Variants in TOM1L1 observed in about 807,000 individuals in gnomAD.
The protein encoded by TOM1L1 is TOM1-like protein 1.
TOM1L1 carries 64 observed loss-of-function variants against 63.4 expected under a neutral mutation model. The ratio of observed to expected loss-of-function variants is 1.01; its 90% CI spans 0.83 to 1.24. The LOEUF (loss-of-function observed/expected upper bound fraction) is 1.24, where lower values mean the gene tolerates loss of function less well. Ranked by LOEUF, TOM1L1 falls within the 50% of genes most tolerant of loss-of-function variation. The pLI, the probability that TOM1L1 is intolerant of heterozygous loss-of-function variation, is 0.00. For missense variants in TOM1L1, 536 were observed against 567.0 expected, an observed-to-expected ratio of 0.95 and a Z score of 0.55; for synonymous variants, 166 against 194.4, an observed-to-expected ratio of 0.85 and a Z score of 1.22.
rs552456760 is a variant in TOM1L1 at position 54,922,449 on chromosome 17, A to G, written c.720+6587A>G. 9.9e-5 allele frequency among the ~76,000 whole-genome samples: 15 copies of G among 152,158 alleles called. No homozygotes were observed. In the East Asian group the frequency reaches 1.5e-3, roughly 16 times the overall value. On this transcript the variant is annotated intron_variant, in intron 7 of 15. Coordinates refer to ENST00000575882, the MANE Select transcript of TOM1L1 (RefSeq NM_005486.3). ...TAGTGAGACTCTGTTGCTACAAAAA[A>G]TAAATTAGCCAGGCATGGTGGTACA...
chr17:54,928,761 G>T (rs181371990), intron 7 of TOM1L1, among the ~76,000 whole-genome samples: 514 of 152,222 alleles, frequency 3.4e-3, no homozygotes, highest in Non-Finnish European at 5.5e-3. Flanking sequence ...GGTTTTTCTG[G>T]CCGCATGTTG....
At chr17:54,949,713 GA>G in intron 13 of TOM1L1, 90 bp downstream of exon 13, 1 of 1,053,854 alleles carries the variant, frequency 9.5e-7, no homozygotes, top group Non-Finnish European at 1.5e-6. Context: ...GAAAATAGGA[GA>G]AATTAGAGAT....
At chr17:54,938,628 G>T (rs530509193) in intron 10 of TOM1L1, 1 of 244,976 alleles carries the variant, frequency 4.1e-6, no homozygotes, top group South Asian at 9.1e-5. Flanking sequence ...ATCAGCTTGG[G>T]ATTTTAGAAA....
chr17:54,930,253 C>A, intron 8 of TOM1L1, 47 bp downstream of exon 8: 1 of 1,610,020 alleles, frequency 6.2e-7, no homozygotes. Flanking sequence ...TTTCTACTTT[C>A]ACCACCAATT....
At chr17:54,920,493 C>T (rs1309764129) in intron 7 of TOM1L1, among the ~76,000 whole-genome samples, 1 of 152,118 alleles carries the variant, frequency 6.6e-6, no homozygotes, top group Non-Finnish European at 1.5e-5. Context: ...ACCATCAGGC[C>T]TCCAGAACAG....
At chr17:54,948,056 A>G (rs575105537) in intron 12 of TOM1L1, among the ~76,000 whole-genome samples, 1 of 152,276 alleles carries the variant, frequency 6.6e-6, no homozygotes, top group Admixed American at 6.5e-5. Flanking sequence ...CTTGGGTAAT[A>G]GCGCTTGACA....
chr17:54,913,480 A>G (rs1385964242), intron 4 of TOM1L1, among the ~76,000 whole-genome samples: 1 of 152,124 alleles, frequency 6.6e-6, no homozygotes, highest in Non-Finnish European at 1.5e-5. Context: ...CCTGGCCAAC[A>G]TAGTGAAACC....
chr17:54,961,779 G>T lies in TOM1L1; in HGVS notation c.*546G>T. The T allele has an allele frequency of 1.0e-6, 1 of 999,568 alleles. No homozygotes were observed. Among genetic ancestry groups the T allele is most frequent in the Non-Finnish European group, 1.2e-6 (1 of 838,982 alleles). 61.9% of individuals were successfully genotyped at this position (999,568 alleles called of 1,614,324 possible). On this transcript the variant is annotated 3_prime_UTR_variant, in exon 16 of 16. Transcript: ENST00000575882. ...ATTGTCATTTAATTATATTTCAGGT[G>T]TCCTGAACAGGTCACTAGACTCTAC...
intron 12 of TOM1L1, among the ~76,000 whole-genome samples, chr17:54,948,799 A>G (rs1268871592): frequency 1.3e-5 from 2 of 152,226 alleles, no homozygotes; most frequent in East Asian, 3.8e-4. Flanking sequence ...AGATATTTCT[A>G]ATTAAGATTC....
chr17:54,912,963 T>C, intron 4 of TOM1L1, 148 bp downstream of exon 4: 1 of 666,138 alleles, frequency 1.5e-6, no homozygotes, highest in Non-Finnish European at 2.2e-6. Flanking sequence ...GTAATAATAA[T>C]TTTTTGGCAT....
rs539645216 is a variant in TOM1L1, at chr17:54,952,272, G to A, written c.1370+2146G>A. ...AACAGAATTAGAAGTATGGCTATTAGGCCTGATGTGGTGGCTCACCCCTGT... is the reference window on the plus strand; with the variant it reads ...AACAGAATTAGAAGTATGGCTATTAAGCCTGATGTGGTGGCTCACCCCTGT... On this transcript the variant is annotated intron_variant, in intron 14 of 15. Transcript: ENST00000575882. 5.3e-5 allele frequency: 8 copies of A among 152,246 alleles called. No individual in the cohort carries two copies. The East Asian group carries it at 1.5e-3, about 29-fold the overall frequency. 9.4% of individuals were successfully genotyped at this position (152,246 alleles called of 1,614,324 possible).
chr17:54,936,314 T>C (rs555592224), intron 8 of TOM1L1: 1 of 187,374 alleles, frequency 5.3e-6, no homozygotes, highest in South Asian at 1.5e-4. Context: ...CACAGCATAC[T>C]CAAATTAGGA....
At chr17:54,952,469 C>T (rs1379506966) in intron 14 of TOM1L1, 1 of 151,184 alleles carries the variant, frequency 6.6e-6, no homozygotes, top group Non-Finnish European at 1.5e-5. Context: ...ATCGCTAGAA[C>T]CCAGGAGGTA....
intron 11 of TOM1L1, 98 bp from the exon 12 acceptor site, chr17:54,947,162 AC>A: frequency 9.0e-7 from 1 of 1,115,746 alleles, no homozygotes; most frequent in Middle Eastern, 1.9e-4. Context: ...GTCTGAAGGT[AC>A]CTTTTAGGTT....
intron 7 of TOM1L1, among the ~76,000 whole-genome samples, chr17:54,928,557 A>G (rs551619599): frequency 6.6e-6 from 1 of 152,300 alleles, no homozygotes; most frequent in South Asian, 2.1e-4. Context: ...TTTTATTAGA[A>G]CATGGCCACA....
rs184957674 is a variant in TOM1L1 at position 54,905,173 on chromosome 17, A to G, written c.144-316A>G. Among the ~76,000 whole-genome samples the G allele has an allele frequency of 2.0e-4, 31 of 152,324 alleles. 1 individual carries two copies. The East Asian group carries it at 4.8e-3, about 24-fold the overall frequency. On this transcript the variant is annotated intron_variant, in intron 2 of 15. Coordinates refer to ENST00000575882, the MANE Select transcript of TOM1L1 (RefSeq NM_005486.3). ...CATTGTTTCGGAAGTTGCATTTCCT[A>G]TAAGTTGGTTCTGTGCATTGATAGA... is the stretch of plus-strand genomic sequence containing the variant.
chr17:54,919,462 C>T (rs2048645579), intron 7 of TOM1L1, among the ~76,000 whole-genome samples: 1 of 152,086 alleles, frequency 6.6e-6, no homozygotes, highest in African/African-American at 2.4e-5. Flanking sequence ...TATGTGAATC[C>T]AGTTTTATAT....
At chr17:54,931,955 TTTTTGTTTG>T (rs2048866717) in intron 8 of TOM1L1, among the ~76,000 whole-genome samples, 1 of 112,542 alleles carries the variant, frequency 8.9e-6, no homozygotes. Context: ...CTTCGTTTTT[TTTTTGTTTG>T]TTTGTTTGTT....
At chr17:54,945,228 A>G (rs1291290326) in intron 11 of TOM1L1, among the ~76,000 whole-genome samples, 1 of 152,192 alleles carries the variant, frequency 6.6e-6, no homozygotes, top group Non-Finnish European at 1.5e-5. Context: ...TTTATGGCCC[A>G]CCCAGATAAT....
Sources: gnomAD v4.1 joint callset for allele counts (sites outside exome capture counted in the v4.1 genomes callset) on GRCh38, gnomAD v4.1.1 for gene constraint, MANE v1.5 for transcripts, NCBI Gene and HGNC (gene_info 2026-07-23, HGNC 2026-07-21) for gene names.